RPS6KC1: variants seen among roughly 807,000 people sequenced by gnomAD.
RPS6KC1 encodes ribosomal protein S6 kinase C1.
A neutral mutation model predicts 103.8 loss-of-function variants in RPS6KC1; 54 were observed. The observed-to-expected ratio is 0.52, with a 90% confidence interval of 0.42 to 0.65. RPS6KC1 has a LOEUF of 0.65. Ranked by LOEUF, RPS6KC1 falls within the 30% of genes least tolerant of loss-of-function variation. The pLI is 0.00. For missense variants in RPS6KC1, 1,151 were observed against 1,253.8 expected (o/e 0.92, Z 1.24); for synonymous variants, 439 against 438.7 (o/e 1.00, Z -0.01).
the RPS6KC1 span, among the ~76,000 whole-genome samples, chr1:213,774,377 T>C: frequency 6.6e-6 from 1 of 152,148 alleles, no homozygotes. Flanking sequence ...AGGGCTGACA[T>C]GATCCCTCAT....
At chr1:213,662,244 A>G in the RPS6KC1 span, among the ~76,000 whole-genome samples, 8 of 151,882 alleles carry the variant, frequency 5.3e-5, no homozygotes, top group Non-Finnish European at 7.4e-5. Context: ...AAAATTAGCA[A>G]TATCGGAAAT....
At chr1:213,658,886 C>T in the RPS6KC1 span, among the ~76,000 whole-genome samples, 114,505 of 152,170 alleles carry the variant, frequency 0.75, 43,695 homozygotes, top group Non-Finnish European at 0.82. Context: ...TCCAGCCCTC[C>T]GCACCTGAAG....
intron 10 of RPS6KC1, among the ~76,000 whole-genome samples, chr1:213,238,153 G>A (rs2094267958): frequency 6.6e-6 from 1 of 152,122 alleles, no homozygotes; most frequent in Non-Finnish European, 1.5e-5. Context: ...TTAATATGAT[G>A]TAAATGTCAT....
chr1:213,337,658 G>A, the RPS6KC1 span, among the ~76,000 whole-genome samples: 1 of 152,114 alleles, frequency 6.6e-6, no homozygotes, highest in South Asian at 2.1e-4. Context: ...GCTATTCTTG[G>A]TGATGACTGG....
At chr1:213,194,126 AGCT>A (rs1268471194) in intron 8 of RPS6KC1, among the ~76,000 whole-genome samples, 3 of 152,132 alleles carry the variant, frequency 2.0e-5, no homozygotes, top group African/African-American at 7.2e-5. Flanking sequence ...ATGTAAATAT[AGCT>A]ACTTCTGCTC....
chr1:213,073,122 A>T (rs1039232681), intron 2 of RPS6KC1: 1 of 153,892 alleles, frequency 6.5e-6, no homozygotes, highest in African/African-American at 2.4e-5. Context: ...TTAGTTTCCC[A>T]CTTAGTGTAT....
chr1:213,220,954 G>A (rs1387824694), intron 8 of RPS6KC1, among the ~76,000 whole-genome samples: 2 of 151,998 alleles, frequency 1.3e-5, no homozygotes, highest in East Asian at 3.9e-4. Flanking sequence ...GTATTTTGTG[G>A]ATTTTGTTAA....
At chr1:213,245,516 AC>A (rs1296706157) in intron 12 of RPS6KC1, among the ~76,000 whole-genome samples, 1 of 152,106 alleles carries the variant, frequency 6.6e-6, no homozygotes, top group South Asian at 2.1e-4. Context: ...AACAGTGTGC[AC>A]CCTCTACCCT....
chr1:213,477,208 A>G, the RPS6KC1 span, among the ~76,000 whole-genome samples: 5 of 152,342 alleles, frequency 3.3e-5, no homozygotes, highest in East Asian at 7.7e-4. Flanking sequence ...TAAGATATTT[A>G]AAGTTTTATT....
the RPS6KC1 span, among the ~76,000 whole-genome samples, chr1:213,508,234 T>C: frequency 3.3e-5 from 5 of 152,326 alleles, no homozygotes; most frequent in South Asian, 8.3e-4. Flanking sequence ...ATATAATAGA[T>C]ATGCTGAGAG....
At chr1:213,459,345 G>T in the RPS6KC1 span, among the ~76,000 whole-genome samples, 3 of 152,046 alleles carry the variant, frequency 2.0e-5, no homozygotes, top group Admixed American at 1.3e-4. Flanking sequence ...GAGGATGTAT[G>T]TGTCCAGGAA....
At chr1:213,606,570 T>C in the RPS6KC1 span, among the ~76,000 whole-genome samples, 1 of 152,326 alleles carries the variant, frequency 6.6e-6, no homozygotes, top group South Asian at 2.1e-4. Context: ...ACTTCAACAA[T>C]AACTGCTCTG....
chr1:213,691,963 G>T, the RPS6KC1 span, among the ~76,000 whole-genome samples: 4 of 152,212 alleles, frequency 2.6e-5, no homozygotes, highest in Non-Finnish European at 5.9e-5. Flanking sequence ...CTTTCTCTGA[G>T]GCCCTAGCGC....
the RPS6KC1 span, among the ~76,000 whole-genome samples, chr1:213,433,941 A>G: frequency 6.6e-6 from 1 of 152,178 alleles, no homozygotes; most frequent in Non-Finnish European, 1.5e-5. Context: ...AAAGCAGACA[A>G]TTTAATTTTG....
chr1:213,145,976 T>G (rs1558412057), intron 6 of RPS6KC1, among the ~76,000 whole-genome samples: 1 of 142,786 alleles, frequency 7.0e-6, no homozygotes, highest in Non-Finnish European at 1.5e-5. Context: ...TGTTTTTTTT[T>G]TTTTTTTTTT....
chr1:213,351,321 C>A, the RPS6KC1 span, among the ~76,000 whole-genome samples: 18 of 152,220 alleles, frequency 1.2e-4, no homozygotes, highest in Admixed American at 4.6e-4. Context: ...TCTATAAAAG[C>A]GCAAAAGGCT....
chr1:213,242,509 C>A, intron 11 of RPS6KC1, 60 bp from the exon 12 acceptor site: 2 of 1,356,988 alleles, frequency 1.5e-6, no homozygotes, highest in South Asian at 1.2e-5. Flanking sequence ...AATTACAGTT[C>A]ACTTCTGCAG....
intron 7 of RPS6KC1, among the ~76,000 whole-genome samples, chr1:213,169,189 C>T (rs1243662697): frequency 6.6e-6 from 1 of 152,108 alleles, no homozygotes; most frequent in Non-Finnish European, 1.5e-5. Flanking sequence ...CATATACCGG[C>T]TTATATACTT....
chr1:213,491,366 G>A, the RPS6KC1 span, among the ~76,000 whole-genome samples: 20 of 152,068 alleles, frequency 1.3e-4, no homozygotes, highest in Non-Finnish European at 2.9e-4. Flanking sequence ...TGGCCAACAC[G>A]GTGAAACCCC....
Sources: allele counts gnomAD v4.1 joint callset (sites outside exome capture counted in the v4.1 genomes callset), GRCh38; gene constraint gnomAD v4.1.1; transcripts MANE v1.5; gene names NCBI Gene and HGNC (gene_info 2026-07-23, HGNC 2026-07-21).